Variants in PTPRN2 observed in about 807,000 individuals in gnomAD.
The protein encoded by PTPRN2 is receptor-type tyrosine-protein phosphatase N2.
A neutral mutation model predicts 118.8 loss-of-function variants in PTPRN2; 74 were observed. That is an observed-to-expected ratio of 0.62 (90% CI 0.52 to 0.76). The LOEUF is 0.76. PTPRN2 is among the 30% of genes least tolerant of loss of function. The pLI, the probability that PTPRN2 is intolerant of heterozygous loss-of-function variation, is 0.00. For missense variants in PTPRN2, 1,481 were observed against 1,394.4 expected, an observed-to-expected ratio of 1.06 and a Z score of -0.99; for synonymous variants, 641 against 608.0, an observed-to-expected ratio of 1.05 and a Z score of -0.80.
At chr7:158,576,818 A>AGACAGCATGGGGCCTGCAC (rs1828350914) in intron 1 of PTPRN2, among the ~76,000 whole-genome samples, 1 of 149,524 alleles carries the variant, frequency 6.7e-6, no homozygotes, top group Admixed American at 6.6e-5. Flanking sequence ...CTGATGCCAC[A>AGACAGCATGGGGCCTGCAC]AACAACATGG....
chr7:158,484,731 C>G (rs1429168760), intron 2 of PTPRN2, among the ~76,000 whole-genome samples: 1 of 152,184 alleles, frequency 6.6e-6, no homozygotes, highest in African/African-American at 2.4e-5. Context: ...CCTCTGAGCA[C>G]GGCGATTCCC....
chr7:158,224,786 C>G (rs10247985), intron 3 of PTPRN2, among the ~76,000 whole-genome samples: 69,641 of 151,986 alleles, frequency 0.46, 16,693 homozygotes, highest in African/African-American at 0.61. Flanking sequence ...AGAGCTGAAA[C>G]AATGAGCGCA....
At chr7:158,017,287 G>A (rs1806526185) in intron 11 of PTPRN2, among the ~76,000 whole-genome samples, 1 of 152,168 alleles carries the variant, frequency 6.6e-6, no homozygotes, top group Non-Finnish European at 1.5e-5. Flanking sequence ...ACATCAAAGA[G>A]GCCCCGCTGG....
chr7:157,956,947 T>A (rs1334866302), intron 11 of PTPRN2, among the ~76,000 whole-genome samples: 2 of 152,212 alleles, frequency 1.3e-5, no homozygotes, highest in Non-Finnish European at 1.5e-5. Context: ...CATGCCACTA[T>A]GAAAACCTGC....
In PTPRN2 at chr7:157,875,132, G is replaced by T. The variant is rs75054354; in HGVS notation, c.1788+23541C>A. On this transcript the variant is annotated intron_variant, in intron 12 of 22. Coordinates refer to ENST00000389418, the MANE Select transcript of PTPRN2 (RefSeq NM_002847.5). ...TTGTGGTCTGACAGCCGTACAGGAA[G>T]TATGTCCCAGGAGGAGCCCAGGCTG... Among the ~76,000 whole-genome samples, 1,107 of 152,288 alleles carry T rather than the reference G, an allele frequency of 7.3e-3. 55 individuals are homozygous for T. The East Asian group carries it at 0.13, about 18-fold the overall frequency.
intron 12 of PTPRN2, among the ~76,000 whole-genome samples, chr7:157,855,196 G>A (rs1408285187): frequency 3.3e-5 from 5 of 151,352 alleles, no homozygotes; most frequent in African/African-American, 9.7e-5. Context: ...GGGTGTGTGT[G>A]GGGCCGGATC....
intron 13 of PTPRN2, among the ~76,000 whole-genome samples, chr7:157,681,815 C>T (rs1456452040): frequency 6.6e-6 from 1 of 152,212 alleles, no homozygotes; most frequent in Non-Finnish European, 1.5e-5. Context: ...GAATTATTTA[C>T]AAGACGTATT....
chr7:157,694,518 G>C (rs1797675377), intron 12 of PTPRN2, among the ~76,000 whole-genome samples: 2 of 152,202 alleles, frequency 1.3e-5, no homozygotes, highest in South Asian at 4.1e-4. Flanking sequence ...TAGAGTCTAG[G>C]GGGGTCATGA....
intron 1 of PTPRN2, chr7:158,532,868 C>T (rs929603704): frequency 3.3e-5 from 17 of 522,174 alleles, no homozygotes; most frequent in Middle Eastern, 4.1e-4. Flanking sequence ...CACTCTGACG[C>T]GCAGACCATC....
intron 22 of PTPRN2, among the ~76,000 whole-genome samples, chr7:157,544,714 G>A (rs550441545): frequency 6.6e-6 from 1 of 152,342 alleles, no homozygotes; most frequent in South Asian, 2.1e-4. Flanking sequence ...TGAGACGTGT[G>A]GAGGGAAGGA....
At chr7:157,621,612 GC>G in intron 14 of PTPRN2, 103 bp from the exon 15 acceptor site, 1 of 1,441,344 alleles carries the variant, frequency 6.9e-7, no homozygotes, top group Non-Finnish European at 9.5e-7. Context: ...CGTGGGCCAT[GC>G]CCACCTTGCT....
intron 1 of PTPRN2, among the ~76,000 whole-genome samples, chr7:158,530,963 C>T (rs962520853): frequency 2.0e-5 from 3 of 152,024 alleles, no homozygotes; most frequent in Non-Finnish European, 4.4e-5. Flanking sequence ...AGCATGTGTA[C>T]GGATGTATCT....
chr7:158,184,530 C>A (rs774607966), intron 5 of PTPRN2, among the ~76,000 whole-genome samples: 12 of 152,158 alleles, frequency 7.9e-5, no homozygotes, highest in Non-Finnish European at 1.6e-4. Flanking sequence ...AATCTGAATG[C>A]CTCTCATTTC....
At chr7:157,635,977 T>G (rs778267062) in intron 14 of PTPRN2, among the ~76,000 whole-genome samples, 4 of 152,266 alleles carry the variant, frequency 2.6e-5, no homozygotes, top group Non-Finnish European at 5.9e-5. Flanking sequence ...CAAAGTCACA[T>G]GAAGTATCAG....
chr7:157,759,925 G>T (rs1802030378), intron 12 of PTPRN2, among the ~76,000 whole-genome samples: 2 of 152,140 alleles, frequency 1.3e-5, no homozygotes, highest in South Asian at 4.1e-4. Context: ...TGAGTTGTCT[G>T]CCCAGGGAAC....
At chr7:157,648,727 C>T (rs1463112137) in intron 14 of PTPRN2, among the ~76,000 whole-genome samples, 199 of 145,352 alleles carry the variant, frequency 1.4e-3, no homozygotes, top group Non-Finnish European at 2.1e-3. Context: ...GCACTGAACT[C>T]GGTGGGTCGG....
rs1348752603 is a variant in PTPRN2, at chr7:158,509,685, C to T, written c.113-19900G>A. ...ACTGACAACACACTAGCAGAAGAGACCACACGTCTGTCAGCGCCCACAGGC... is the reference window on the plus strand; with the variant it reads ...ACTGACAACACACTAGCAGAAGAGATCACACGTCTGTCAGCGCCCACAGGC... On this transcript the variant is annotated intron_variant, in intron 1 of 22. Transcript: ENST00000389418. This position sits in a 1 kb window ranked among gnomAD's most constrained non-coding sequence, Gnocchi z 4.4. Among the ~76,000 whole-genome samples, 1 of 152,232 alleles carries T rather than the reference C, an allele frequency of 6.6e-6. No individual in the cohort carries two copies. The highest frequency in any genetic ancestry group is 1.9e-4 in the East Asian group (1 of 5,194).
chr7:157,733,880 G>A (rs74184479), intron 12 of PTPRN2, among the ~76,000 whole-genome samples: 7 of 36,344 alleles, frequency 1.9e-4, no homozygotes, highest in Admixed American at 2.8e-4. Context: ...ACTCTTTTCC[G>A]TCCCATGCGC....
At chr7:157,778,817 C>T (rs963120508) in intron 12 of PTPRN2, among the ~76,000 whole-genome samples, 2 of 152,028 alleles carry the variant, frequency 1.3e-5, no homozygotes, top group Non-Finnish European at 2.9e-5. Flanking sequence ...CAGGTGCCGC[C>T]GAATGCCCAC....
Sources: allele counts gnomAD v4.1 joint callset (sites outside exome capture counted in the v4.1 genomes callset), GRCh38; gene constraint gnomAD v4.1.1; non-coding constraint Gnocchi (gnomAD v3.1); transcripts MANE v1.5; gene names NCBI Gene and HGNC (gene_info 2026-07-23, HGNC 2026-07-21).